ADAMTS18: variants seen among roughly 807,000 people sequenced by gnomAD.
The protein encoded by ADAMTS18 is ADAM metallopeptidase with thrombospondin type 1 motif 18, also known as A disintegrin and metalloproteinase with thrombospondin motifs 18.
ADAMTS18 carries 157 observed loss-of-function variants against 165.9 expected under a neutral mutation model. That is an observed-to-expected ratio of 0.95 (90% CI 0.83 to 1.08). The LOEUF (loss-of-function observed/expected upper bound fraction) is 1.08, where lower values mean the gene tolerates loss of function less well. ADAMTS18 is among the 50% of genes least tolerant of loss of function. The probability of loss-of-function intolerance (pLI) is 0.00; values close to 1 mark genes in which losing one functional copy is unlikely to be tolerated. For synonymous variants in ADAMTS18, 782 were observed against 578.2 expected (o/e 1.35, Z -5.06); for missense variants, 2,040 against 1,534.0 (o/e 1.33, Z -5.51).
chr16:77,363,129 G>T (rs776025382), intron 6 of ADAMTS18, among the ~76,000 whole-genome samples: 1 of 152,084 alleles, frequency 6.6e-6, no homozygotes, highest in African/African-American at 2.4e-5. Context: ...AATGGTAATC[G>T]CTATCTCAGA....
chr16:77,324,451 A>G (rs1231569744), intron 13 of ADAMTS18, among the ~76,000 whole-genome samples: 1 of 152,236 alleles, frequency 6.6e-6, no homozygotes, highest in East Asian at 1.9e-4. Context: ...TTCAAAAGTT[A>G]TAACCATTAC....
chr16:77,390,442 A>G (rs903407505), intron 3 of ADAMTS18, among the ~76,000 whole-genome samples: 22 of 152,234 alleles, frequency 1.4e-4, no homozygotes, highest in African/African-American at 4.6e-4. Flanking sequence ...CTGTAATCCC[A>G]GTACTTTCGG....
chr16:77,386,835 G>C (rs945934513), intron 3 of ADAMTS18, among the ~76,000 whole-genome samples: 1 of 152,076 alleles, frequency 6.6e-6, no homozygotes, highest in Admixed American at 6.5e-5. Context: ...GCAAATATGA[G>C]AAAACATGAG....
At chr16:77,354,005 T>C in intron 9 of ADAMTS18, 119 bp from the exon 10 acceptor site, 1 of 1,258,312 alleles carries the variant, frequency 7.9e-7, no homozygotes, top group East Asian at 2.3e-5. Context: ...TAGAAACAGG[T>C]ATATGTTTAA....
At chr16:77,337,492 G>T (rs1383485444) in intron 11 of ADAMTS18, among the ~76,000 whole-genome samples, 8 of 152,168 alleles carry the variant, frequency 5.3e-5, no homozygotes, top group Admixed American at 5.2e-4. Flanking sequence ...CTTGCTCAGA[G>T]TGACACAAAC....
chr16:77,300,513 C>T, intron 16 of ADAMTS18, 109 bp from the exon 17 acceptor site: 2 of 1,234,554 alleles, frequency 1.6e-6, no homozygotes, highest in Non-Finnish European at 2.4e-6. Context: ...TTGACCTTAA[C>T]ATTGGTATAC....
intron 3 of ADAMTS18, among the ~76,000 whole-genome samples, chr16:77,426,657 C>T (rs1483923320): frequency 6.6e-6 from 1 of 152,206 alleles, no homozygotes; most frequent in Non-Finnish European, 1.5e-5. Flanking sequence ...TAACATGCAT[C>T]TTGTTGGTAA....
At chr16:77,390,103 C>T (rs1419334484) in intron 3 of ADAMTS18, among the ~76,000 whole-genome samples, 2 of 152,100 alleles carry the variant, frequency 1.3e-5, no homozygotes, top group Admixed American at 1.3e-4. Flanking sequence ...AGAAGAGTGG[C>T]TGTGGCTGCA....
In ADAMTS18 at chr16:77,291,335, G is replaced by A. The variant is rs759618446; in HGVS notation, c.3333C>T (p.Asn1111=). 1 of 1,614,186 alleles carries A rather than the reference G, an allele frequency of 6.2e-7. No homozygotes were observed. Among genetic ancestry groups the A allele is most frequent in the Non-Finnish European group, 8.5e-7 (1 of 1,180,028 alleles). The part of the protein sequence containing the change: ...KPNLDLEETC[N]RRACPAHPVY... ...CTGGATGGGCTGGGCAAGCCCGTCG[G>A]TTGCAGGTCTCTTCCAAGTCCAGAT... Residue 1111 remains asparagine, a synonymous_variant, in exon 21 of 23, where the codon AAC becomes AAT. Transcript: ENST00000282849.
chr16:77,352,362 A>C (rs2144711077), intron 10 of ADAMTS18, among the ~76,000 whole-genome samples: 1 of 152,322 alleles, frequency 6.6e-6, no homozygotes, highest in South Asian at 2.1e-4. Flanking sequence ...CACTAGTAAT[A>C]GTGACTGGTA....
intron 3 of ADAMTS18, among the ~76,000 whole-genome samples, chr16:77,375,874 G>A (rs2056942942): frequency 7.5e-6 from 1 of 133,938 alleles, no homozygotes; most frequent in Non-Finnish European, 1.6e-5. Flanking sequence ...GTTTTATGTC[G>A]TTTTTTCTTT....
rs1342475131 is a variant in ADAMTS18, at chr16:77,295,011, G to T, written c.2918C>A (p.Ser973Tyr). Reference protein sequence around the residue: ...PFQKEEAVLHSLCPVSTPTQV... With the variant: ...PFQKEEAVLHYLCPVSTPTQV... ...AGTGGGTGTGCTCACTGGACAGAGA[G>T]AATGCAACACTGCTTCCTCCTTTTG... is the stretch of plus-strand genomic sequence containing the variant. The change falls in exon 19 of 23, where the codon TCT becomes TAT. Residue 973 changes from serine (S) to tyrosine (Y), a missense_variant. Transcript: ENST00000282849. 6.2e-7 allele frequency: 1 copy of T among 1,614,082 alleles called. No individual in the cohort carries two copies.
chr16:77,293,036 G>T (rs1265733874), intron 20 of ADAMTS18, 40 bp downstream of exon 20: 2 of 1,611,914 alleles, frequency 1.2e-6, no homozygotes, highest in African/African-American at 1.3e-5. Context: ...AGCCAGGATG[G>T]TCTCAATCTC....
intron 3 of ADAMTS18, among the ~76,000 whole-genome samples, chr16:77,378,580 C>T (rs1214087560): frequency 2.0e-5 from 3 of 151,740 alleles, no homozygotes; most frequent in Non-Finnish European, 4.4e-5. Flanking sequence ...CCAAGCATGG[C>T]GGTGTGAGCC....
At chr16:77,427,472 G>A (rs182222058) in intron 3 of ADAMTS18, among the ~76,000 whole-genome samples, 1 of 152,288 alleles carries the variant, frequency 6.6e-6, no homozygotes, top group Admixed American at 6.5e-5. Context: ...TAGTCAGAGG[G>A]AGGCTGGATA....
At chr16:77,320,707 G>A (rs2055981084) in intron 15 of ADAMTS18, among the ~76,000 whole-genome samples, 1 of 151,932 alleles carries the variant, frequency 6.6e-6, no homozygotes, top group Non-Finnish European at 1.5e-5. Context: ...CAGAAAACAG[G>A]GATCAAAAGT....
At chr16:77,414,572 G>C (rs1283955352) in intron 3 of ADAMTS18, among the ~76,000 whole-genome samples, 2 of 151,954 alleles carry the variant, frequency 1.3e-5, no homozygotes, top group African/African-American at 2.4e-5. Flanking sequence ...CGGTTGACTT[G>C]CATTATATTT....
rs201422047 is a variant in ADAMTS18 at position 77,363,823 on chromosome 16, T to G, written c.1035A>C (p.Leu345=). The change falls in exon 6 of 23, where the codon CTA becomes CTC. Residue 345 remains leucine, a synonymous_variant. Coordinates refer to ENST00000282849, the MANE Select transcript of ADAMTS18 (RefSeq NM_199355.4). Reference sequence around the variant, plus strand: ...TTACAGGTTCTTGTTCCAGAAGAATTAGGCTCACCACAACCACGTTTATGT... The same window carrying G: ...TTACAGGTTCTTGTTCCAGAAGAATGAGGCTCACCACAACCACGTTTATGT... ...GSDINVVVVS[L]ILLEQEPGGL... is the part of the protein sequence containing the mutation. 1.9e-6 allele frequency: 3 copies of G among 1,613,946 alleles called. No homozygotes were observed. Among genetic ancestry groups the G allele is most frequent in the African/African-American group, 1.3e-5 (1 of 75,016 alleles).
At chr16:77,291,850 G>C (rs993431731) in intron 20 of ADAMTS18, among the ~76,000 whole-genome samples, 1 of 152,174 alleles carries the variant, frequency 6.6e-6, no homozygotes, top group Non-Finnish European at 1.5e-5. Flanking sequence ...CCTAAGGCCT[G>C]AGGAGTTAGG....
Sources: allele counts gnomAD v4.1 joint callset (sites outside exome capture counted in the v4.1 genomes callset), GRCh38; gene constraint gnomAD v4.1.1; transcripts MANE v1.5; gene names NCBI Gene and HGNC (gene_info 2026-07-23, HGNC 2026-07-21).